PARD3B: variants seen among roughly 807,000 people sequenced by gnomAD.
PARD3B encodes the protein par-3 family cell polarity regulator beta.
Under a neutral mutation model 130.2 loss-of-function variants are expected in PARD3B, and 103 were observed. The observed-to-expected ratio is 0.79, with a 90% confidence interval of 0.67 to 0.93. PARD3B has a LOEUF of 0.93. Among genes scored for constraint, PARD3B ranks in the 40% least tolerant of loss-of-function variants. The pLI, the probability that PARD3B is intolerant of heterozygous loss-of-function variation, is 0.00. For synonymous variants in PARD3B, 583 were observed against 553.2 expected, an observed-to-expected ratio of 1.05 and a Z score of -0.76; for missense variants, 1,609 against 1,499.2, an observed-to-expected ratio of 1.07 and a Z score of -1.21.
intron 1 of PARD3B, among the ~76,000 whole-genome samples, chr2:204,581,734 C>T (rs1353182005): frequency 6.6e-6 from 1 of 152,118 alleles, no homozygotes; most frequent in African/African-American, 2.4e-5. Flanking sequence ...AAAGCTAAGG[C>T]ACAAAAATGT....
chr2:205,099,348 G>A (rs1702597177), intron 4 of PARD3B, among the ~76,000 whole-genome samples: 1 of 152,154 alleles, frequency 6.6e-6, no homozygotes, highest in Non-Finnish European at 1.5e-5. Context: ...TATGGTAGCT[G>A]TTTGGCATCA....
At chr2:205,177,250 A>T (rs934749496) in intron 13 of PARD3B, among the ~76,000 whole-genome samples, 1 of 152,232 alleles carries the variant, frequency 6.6e-6, no homozygotes, top group African/African-American at 2.4e-5. Flanking sequence ...TTACAAAAAC[A>T]ATACATATTC....
chr2:204,979,784 A>G (rs991424404), intron 3 of PARD3B, among the ~76,000 whole-genome samples: 14 of 152,210 alleles, frequency 9.2e-5, no homozygotes, highest in Non-Finnish European at 2.9e-5. Context: ...TTCAATATCT[A>G]TATAGAAAAA....
intron 16 of PARD3B, among the ~76,000 whole-genome samples, chr2:205,279,140 TC>T (rs1449218104): frequency 6.8e-6 from 1 of 146,752 alleles, no homozygotes; most frequent in African/African-American, 2.5e-5. Flanking sequence ...TACTAAATTT[TC>T]CCCCCAAATT....
At chr2:204,760,523 C>T (rs532768571) in intron 2 of PARD3B, among the ~76,000 whole-genome samples, 5 of 152,010 alleles carry the variant, frequency 3.3e-5, no homozygotes, top group Middle Eastern at 3.4e-3. Flanking sequence ...ATATCTGGCT[C>T]CTGTAGTTTT....
intron 2 of PARD3B, among the ~76,000 whole-genome samples, chr2:204,732,485 C>T (rs1240189704): frequency 1.3e-5 from 2 of 150,462 alleles, no homozygotes; most frequent in Non-Finnish European, 3.0e-5. Context: ...TAATTATTCA[C>T]AAGAGAAGAA....
intron 2 of PARD3B, among the ~76,000 whole-genome samples, chr2:204,798,119 A>G (rs1436117194): frequency 6.6e-6 from 1 of 152,190 alleles, no homozygotes; most frequent in Non-Finnish European, 1.5e-5. Flanking sequence ...TGGTTTTAAT[A>G]TCACAGAAAA....
At position 205,058,120 on chromosome 2, in the gene PARD3B, A is replaced by G. The variant is rs1303855636; in HGVS notation, c.504+10430A>G. Among the ~76,000 whole-genome samples, 3 of 151,554 alleles carry G rather than the reference A, an allele frequency of 2.0e-5. No individual in the cohort carries two copies. The East Asian group carries it at 5.8e-4, about 29-fold the overall frequency. ...TTCTGTTATACTTTTTCTCCCTATG[A>G]TTTTGACTACTCTAGGTGCCTTATA... On this transcript the variant is annotated intron_variant, in intron 4 of 22. Transcript: ENST00000406610.
chr2:204,953,985 C>T (rs1690027454), intron 2 of PARD3B, among the ~76,000 whole-genome samples: 1 of 152,102 alleles, frequency 6.6e-6, no homozygotes, highest in South Asian at 2.1e-4. Flanking sequence ...CCACTTATGA[C>T]AGTGAGGAGG....
intron 2 of PARD3B, among the ~76,000 whole-genome samples, chr2:204,862,565 TG>T (rs1329352179): frequency 2.0e-5 from 3 of 152,206 alleles, no homozygotes; most frequent in Non-Finnish European, 2.9e-5. Context: ...TTTAGGTAGA[TG>T]GAATATATAA....
At chr2:205,607,267 G>A (rs1214439202) in intron 22 of PARD3B, among the ~76,000 whole-genome samples, 4 of 151,860 alleles carry the variant, frequency 2.6e-5, no homozygotes, top group African/African-American at 7.3e-5. Context: ...TCTCTTTTTA[G>A]TGCATTAGAT....
At chr2:204,988,350 T>TG (rs1693357804) in intron 3 of PARD3B, among the ~76,000 whole-genome samples, 1 of 151,978 alleles carries the variant, frequency 6.6e-6, no homozygotes, top group Non-Finnish European at 1.5e-5. Flanking sequence ...GAGAAGGTAG[T>TG]GGGGGGCATG....
rs774142167 is a variant in PARD3B at position 204,799,545 on chromosome 2, C to T, written c.222+113263C>T. Reference sequence around the variant, plus strand: ...AACATTCACAGCCAGACAGTGGTCACTGTGGGTCTTTGGAGAGACCCAGTG... The same window carrying T: ...AACATTCACAGCCAGACAGTGGTCATTGTGGGTCTTTGGAGAGACCCAGTG... On this transcript the variant is annotated intron_variant, in intron 2 of 22. Transcript: ENST00000406610. The surrounding 1 kb of genome is among the most constrained non-coding windows in gnomAD (Gnocchi z 4.1). Among the ~76,000 whole-genome samples the T allele has an allele frequency of 1.2e-4, 19 of 152,176 alleles. 1 individual carries two copies. The highest frequency in any genetic ancestry group is 3.3e-4 in the Admixed American group (5 of 15,280).
chr2:204,663,579 C>T (rs556825730), intron 1 of PARD3B, among the ~76,000 whole-genome samples: 14 of 152,124 alleles, frequency 9.2e-5, no homozygotes, highest in Non-Finnish European at 1.9e-4. Context: ...ATTTGAAATG[C>T]GGCATTGGAC....
At chr2:205,083,209 G>A (rs1338091387) in intron 4 of PARD3B, among the ~76,000 whole-genome samples, 3 of 151,936 alleles carry the variant, frequency 2.0e-5, no homozygotes, top group African/African-American at 7.2e-5. Flanking sequence ...GTGAGCTACT[G>A]TGCCCAGCCA....
chr2:205,541,030 C>A lies in PARD3B; in HGVS notation c.3181-12294C>A, dbSNP rs181641998. Among the ~76,000 whole-genome samples the A allele has an allele frequency of 2.6e-4, 39 of 152,138 alleles. No individual in the cohort carries two copies. In the East Asian group the frequency reaches 6.8e-3, roughly 26 times the overall value. ...CCTTTAAATGTTGACTTAAAATAAT[C>A]ATATTTTAAAGACATTGAAAGTAAG... On this transcript the variant is annotated intron_variant, in intron 21 of 22. Coordinates refer to ENST00000406610, the MANE Select transcript of PARD3B (RefSeq NM_001302769.2).
intron 1 of PARD3B, among the ~76,000 whole-genome samples, chr2:204,592,554 T>C (rs1353862885): frequency 2.0e-5 from 3 of 152,228 alleles, no homozygotes; most frequent in Non-Finnish European, 4.4e-5. Flanking sequence ...TTTTCACATT[T>C]TGTTTTGTAT....
intron 4 of PARD3B, among the ~76,000 whole-genome samples, chr2:205,055,242 TC>T (rs1288283893): frequency 3.3e-5 from 5 of 152,218 alleles, no homozygotes; most frequent in African/African-American, 1.2e-4. Context: ...ATTAGAAGTT[TC>T]TGGATAATTT....
intron 20 of PARD3B, among the ~76,000 whole-genome samples, chr2:205,471,628 G>C (rs145565454): frequency 8.7e-4 from 133 of 152,154 alleles, no homozygotes; most frequent in African/African-American, 3.0e-3. Flanking sequence ...CTCCCAAAGT[G>C]CTGGGATTAG....
Sources: gnomAD v4.1 joint callset for allele counts (sites outside exome capture counted in the v4.1 genomes callset) on GRCh38, gnomAD v4.1.1 for gene constraint, Gnocchi (gnomAD v3.1) non-coding constraint, MANE v1.5 for transcripts, NCBI Gene and HGNC (gene_info 2026-07-23, HGNC 2026-07-21) for gene names.